PDLIM5: variants seen among roughly 807,000 people sequenced by gnomAD.
The protein encoded by PDLIM5 is PDZ and LIM domain 5, also known as PDZ and LIM domain protein 5.
In PDLIM5, 34 loss-of-function variants were observed where a neutral mutation model predicts 64.2. The ratio of observed to expected loss-of-function variants is 0.53; its 90% CI spans 0.40 to 0.71. The LOEUF (loss-of-function observed/expected upper bound fraction) is 0.71. Among genes scored for constraint, PDLIM5 ranks in the 30% least tolerant of loss-of-function variants. The probability of loss-of-function intolerance (pLI) is 0.00; values close to 1 mark genes in which losing one functional copy is unlikely to be tolerated. For missense variants in PDLIM5, 683 were observed against 733.6 expected (o/e 0.93, Z 0.80); for synonymous variants, 253 against 269.1 (o/e 0.94, Z 0.59).
chr4:94,595,942 C>A (rs988052348), intron 7 of PDLIM5, among the ~76,000 whole-genome samples: 6 of 152,116 alleles, frequency 3.9e-5, no homozygotes, highest in African/African-American at 4.8e-5. Flanking sequence ...TGTAAAAAAA[C>A]CACCTGTCAA....
At chr4:94,456,950 TC>T in intron 2 of PDLIM5, 1 of 991,920 alleles carries the variant, frequency 1.0e-6, no homozygotes, top group Non-Finnish European at 1.2e-6. Flanking sequence ...GAGCTGGCTT[TC>T]CAACAGTTAT....
In PDLIM5 at chr4:94,455,790, A is replaced by T. The variant is rs62321995; in HGVS notation, c.96+406A>T. Reference sequence around the variant, plus strand: ...AAAAACTGTTGATCAAAATTGAATAAAATGATTGTTTCGGAATTATTTCCT... The same window carrying T: ...AAAAACTGTTGATCAAAATTGAATATAATGATTGTTTCGGAATTATTTCCT... On this transcript the variant is annotated intron_variant, in intron 2 of 12. Coordinates refer to ENST00000317968, the MANE Select transcript of PDLIM5 (RefSeq NM_006457.5). 8.9e-4 allele frequency: 1,359 copies of T among 1,518,462 alleles called. 11 individuals are homozygous for T. Among genetic ancestry groups the T allele is most frequent in the South Asian group, 5.8e-3 (485 of 83,654 alleles). The allele number at this position is 1,518,462 out of a possible 1,614,324, so 94.1% of individuals were successfully genotyped here.
intron 8 of PDLIM5, among the ~76,000 whole-genome samples, chr4:94,625,678 C>T (rs1175366616): frequency 2.6e-5 from 4 of 152,140 alleles, no homozygotes; most frequent in African/African-American, 9.7e-5. Context: ...TGGTCTCGAT[C>T]TCCTGACCTT....
At chr4:94,545,308 A>G (rs1369725106) in intron 3 of PDLIM5, among the ~76,000 whole-genome samples, 1 of 152,218 alleles carries the variant, frequency 6.6e-6, no homozygotes, top group Non-Finnish European at 1.5e-5. Flanking sequence ...CAACTCTAAT[A>G]TGTCAGCATC....
chr4:94,579,500 A>C lies in PDLIM5; in HGVS notation c.710+3466A>C, dbSNP rs1401526964. 7 of 1,288,036 alleles carry C rather than the reference A, an allele frequency of 5.4e-6. No homozygotes were observed. In the African/African-American group the frequency reaches 9.0e-5, roughly 17 times the overall value. 79.8% of individuals were successfully genotyped at this position (1,288,036 alleles called of 1,614,324 possible). On this transcript the variant is annotated intron_variant, in intron 5 of 12. Coordinates refer to ENST00000317968, the MANE Select transcript of PDLIM5 (RefSeq NM_006457.5). ...AAAAATGATGTGGTAGTAATATTTTAAAATACTTTTCTCTTTGCAGAAAAC... is the reference window on the plus strand; with the variant it reads ...AAAAATGATGTGGTAGTAATATTTTCAAATACTTTTCTCTTTGCAGAAAAC...
chr4:94,495,110 G>C (rs887216578), intron 2 of PDLIM5, among the ~76,000 whole-genome samples: 2 of 152,030 alleles, frequency 1.3e-5, no homozygotes, highest in Non-Finnish European at 2.9e-5. Flanking sequence ...ATATAATAGT[G>C]GTTCTCCTTA....
chr4:94,619,185 G>T (rs1739021222), intron 8 of PDLIM5, among the ~76,000 whole-genome samples: 2 of 151,962 alleles, frequency 1.3e-5, no homozygotes, highest in Non-Finnish European at 2.9e-5. Flanking sequence ...ACATCTAATG[G>T]TTTTACTTTT....
intron 3 of PDLIM5, among the ~76,000 whole-genome samples, chr4:94,556,079 C>T (rs368999189): frequency 1.3e-4 from 20 of 148,742 alleles, no homozygotes; most frequent in Non-Finnish European, 1.8e-4. Context: ...CAACAGGCCC[C>T]GGTGTGTGAT....
chr4:94,566,619 T>A (rs1353079431), intron 3 of PDLIM5, among the ~76,000 whole-genome samples: 1 of 152,220 alleles, frequency 6.6e-6, no homozygotes, highest in Non-Finnish European at 1.5e-5. Context: ...ACAAAGAAAC[T>A]ATATGTTGCC....
intron 8 of PDLIM5, among the ~76,000 whole-genome samples, chr4:94,620,709 A>G (rs767465079): frequency 9.9e-5 from 15 of 152,000 alleles, no homozygotes; most frequent in Non-Finnish European, 1.5e-4. Flanking sequence ...AGAAAACGTT[A>G]TTTATACAGT....
chr4:94,576,056 T>C (rs1465284935), intron 5 of PDLIM5, 22 bp downstream of exon 5: 1 of 1,587,192 alleles, frequency 6.3e-7, no homozygotes. Context: ...AGGTGCTTTC[T>C]GCTCTTACTA....
intron 3 of PDLIM5, among the ~76,000 whole-genome samples, chr4:94,551,537 T>C (rs768813117): frequency 2.0e-5 from 3 of 152,168 alleles, no homozygotes; most frequent in Non-Finnish European, 4.4e-5. Context: ...GAGACAAGTT[T>C]TTTTCACTTC....
chr4:94,656,722 C>G (rs1742237025), intron 10 of PDLIM5: 2 of 151,448 alleles, frequency 1.3e-5, no homozygotes, highest in African/African-American at 2.4e-5. Flanking sequence ...GCAAGTTCCA[C>G]CTCACGAGTT....
At chr4:94,520,375 C>T (rs775454364) in intron 2 of PDLIM5, among the ~76,000 whole-genome samples, 3 of 152,122 alleles carry the variant, frequency 2.0e-5, no homozygotes, top group Admixed American at 6.5e-5. Flanking sequence ...TTATGGCTGC[C>T]GTGTACAAGA....
At chr4:94,634,111 G>A (rs1740370012) in intron 8 of PDLIM5, among the ~76,000 whole-genome samples, 1 of 152,138 alleles carries the variant, frequency 6.6e-6, no homozygotes, top group Admixed American at 6.5e-5. Flanking sequence ...TTTGGTTTTA[G>A]TGCTGAGTTA....
chr4:94,546,831 G>GCCC (rs5860366), intron 3 of PDLIM5, among the ~76,000 whole-genome samples: 3 of 150,852 alleles, frequency 2.0e-5, no homozygotes, highest in African/African-American at 7.3e-5. Context: ...CTGACATTAG[G>GCCC]CCCCCCCCAC....
rs957254557 is a variant in PDLIM5, at chr4:94,467,222, A to T, written c.96+11838A>T. On this transcript the variant is annotated intron_variant, in intron 2 of 12. Coordinates refer to ENST00000317968, the MANE Select transcript of PDLIM5 (RefSeq NM_006457.5). ...AGTAACTATTAATGATCACAGTGGT[A>T]ATAGAGAACGAATGGGAAGCTGGGT... Among the ~76,000 whole-genome samples the T allele has an allele frequency of 2.0e-5, 3 of 152,230 alleles. No homozygotes were observed. In the East Asian group the frequency reaches 5.8e-4, roughly 29 times the overall value.
In PDLIM5 at chr4:94,475,800, C is replaced by G. The variant is rs561265219; in HGVS notation, c.96+20416C>G. On this transcript the variant is annotated intron_variant, in intron 2 of 12. Coordinates refer to ENST00000317968, the MANE Select transcript of PDLIM5 (RefSeq NM_006457.5). ...GGAGAAAAAATAGTATCATATTTAC[C>G]TGGAGTTTTACAAATTACCTCGGGG... Among the ~76,000 whole-genome samples, 31 of 152,128 alleles carry G rather than the reference C, an allele frequency of 2.0e-4. No individual in the cohort carries two copies. The South Asian group carries it at 6.4e-3, about 32-fold the overall frequency.
intron 2 of PDLIM5, among the ~76,000 whole-genome samples, chr4:94,487,826 C>T (rs1726492629): frequency 2.0e-5 from 3 of 152,138 alleles, no homozygotes; most frequent in Non-Finnish European, 4.4e-5. Context: ...GTATAGGAGT[C>T]TCTGGAACAG....
Sources: gnomAD v4.1 joint callset for allele counts (sites outside exome capture counted in the v4.1 genomes callset) on GRCh38, gnomAD v4.1.1 for gene constraint, MANE v1.5 for transcripts, NCBI Gene and HGNC (gene_info 2026-07-23, HGNC 2026-07-21) for gene names.